CRACDL: variants seen among roughly 807,000 people sequenced by gnomAD.
CRACDL encodes the protein CRACD-like protein.
In CRACDL, 26 loss-of-function variants were observed where a neutral mutation model predicts 70.6. The observed-to-expected ratio is 0.37, with a 90% CI of 0.27 to 0.51. The LOEUF (loss-of-function observed/expected upper bound fraction) is 0.51. Ranked by LOEUF, CRACDL falls within the 20% of genes least tolerant of loss-of-function variation. CRACDL has a pLI of 0.94. For synonymous variants in CRACDL, 618 were observed against 615.2 expected, an observed-to-expected ratio of 1.00 and a Z score of -0.07; for missense variants, 1,283 against 1,376.9, an observed-to-expected ratio of 0.93 and a Z score of 1.08.
chr2:98,860,920 C>T (rs1031431835), intron 1 of CRACDL, among the ~76,000 whole-genome samples: 1 of 152,150 alleles, frequency 6.6e-6, no homozygotes, highest in Non-Finnish European at 1.5e-5. Flanking sequence ...AAAGATATCC[C>T]ATTTAAAAAC....
chr2:98,890,254 T>C (rs1015129662), intron 1 of CRACDL, among the ~76,000 whole-genome samples: 5 of 152,146 alleles, frequency 3.3e-5, no homozygotes, highest in African/African-American at 1.2e-4. Flanking sequence ...AACAAACCTT[T>C]AGTTAGACTG....
chr2:98,874,234 T>G (rs1446177903), intron 1 of CRACDL, among the ~76,000 whole-genome samples: 1 of 152,216 alleles, frequency 6.6e-6, no homozygotes, highest in East Asian at 1.9e-4. Context: ...ACAGATACGT[T>G]CTTTTCTCGC....
At chr2:98,880,893 C>T (rs1483353973) in intron 1 of CRACDL, among the ~76,000 whole-genome samples, 2 of 152,228 alleles carry the variant, frequency 1.3e-5, no homozygotes, top group Non-Finnish European at 2.9e-5. Context: ...GCCTCCCCTA[C>T]TCACTTGGCC....
At chr2:98,884,478 A>G (rs1707748861) in intron 1 of CRACDL, among the ~76,000 whole-genome samples, 1 of 152,212 alleles carries the variant, frequency 6.6e-6, no homozygotes, top group African/African-American at 2.4e-5. Flanking sequence ...GCAGCAGGAC[A>G]TCCCTGCCCA....
intron 2 of CRACDL, among the ~76,000 whole-genome samples, chr2:98,839,075 C>A (rs895321854): frequency 2.0e-5 from 3 of 152,196 alleles, no homozygotes; most frequent in Non-Finnish European, 4.4e-5. Flanking sequence ...CGTAGACTAC[C>A]AGGATGCTGT....
Position 98,795,073 on chromosome 2 carries a change from A to ATTTTTTTTTTTTTT in CRACDL, c.2750-403_2750-402insAAAAAAAAAAAAAA, listed in dbSNP as rs1468056572. 6.0e-4 allele frequency among the ~76,000 whole-genome samples: 12 copies of ATTTTTTTTTTTTTT among 20,088 alleles called. 1 individual carries two copies. Among genetic ancestry groups the ATTTTTTTTTTTTTT allele is most frequent in the South Asian group, 4.3e-3 (1 of 230 alleles). The allele number at this position is 20,088 out of a possible 152,430, so 13.2% of individuals were successfully genotyped here. ...TATATATATATATATATATATATAT[A>ATTTTTTTTTTTTTT]TATATTTTTTTTTTTTTTTGAGACA... On this transcript the variant is annotated intron_variant, in intron 9 of 9. Coordinates refer to ENST00000397899, the MANE Select transcript of CRACDL (RefSeq NM_207362.3).
At chr2:98,860,585 G>A (rs760878687) in intron 1 of CRACDL, among the ~76,000 whole-genome samples, 12 of 152,150 alleles carry the variant, frequency 7.9e-5, no homozygotes, top group Non-Finnish European at 1.8e-4. Context: ...AAAAAATAAT[G>A]TGTACTCTTA....
At chr2:98,859,822 A>G (rs1041543875) in intron 1 of CRACDL, among the ~76,000 whole-genome samples, 5 of 152,218 alleles carry the variant, frequency 3.3e-5, no homozygotes, top group Admixed American at 3.3e-4. Context: ...AGCACTTAAG[A>G]GAAAGAATAA....
Position 98,822,095 on chromosome 2 carries a change from C to A in CRACDL, c.2178G>T (p.Glu726Asp). 6.4e-7 allele frequency: 1 copy of A among 1,564,832 alleles called. No individual in the cohort carries two copies. Among genetic ancestry groups the A allele is most frequent in the Non-Finnish European group, 8.7e-7 (1 of 1,154,436 alleles). The change falls in exon 7 of 10, where the codon GAG becomes GAT. Residue 726 changes from glutamate (E) to aspartate (D), a missense_variant. Coordinates refer to ENST00000397899, the MANE Select transcript of CRACDL (RefSeq NM_207362.3). This position sits in a 1 kb window ranked among gnomAD's most constrained non-coding sequence, Gnocchi z 4.9. ...CGGGGGCCGTCCCGAGGGGACACTT[C>A]TCCTCCTTCGGGAGCACGGTCAGCG... Reference protein sequence around the residue: ...ERSLTVLPKEEKCPLGTAPAL... With the variant: ...ERSLTVLPKEDKCPLGTAPAL...
intron 7 of CRACDL, among the ~76,000 whole-genome samples, chr2:98,800,089 C>T (rs1315089910): frequency 6.6e-6 from 1 of 152,238 alleles, no homozygotes; most frequent in Admixed American, 6.5e-5. Flanking sequence ...TTTCTATTCT[C>T]CTGTTTCACC....
rs563322641 is a variant in CRACDL, at chr2:98,822,866, C to G, written c.1407G>C (p.Glu469Asp). The G allele has an allele frequency of 5.5e-6, 8 of 1,465,910 alleles. No individual in the cohort carries two copies. In the Admixed American group the frequency reaches 7.7e-5, roughly 14 times the overall value. 90.8% of individuals were successfully genotyped at this position (1,465,910 alleles called of 1,614,324 possible). ...TCTCGGGCTCGGTCCCCGCTCCTCTCTCGGGCTCCGTCTCCGCTTCTCTCT... is the reference window on the plus strand; with the variant it reads ...TCTCGGGCTCGGTCCCCGCTCCTCTGTCGGGCTCCGTCTCCGCTTCTCTCT... The part of the protein sequence containing the change: ...EPEREAETEP[E>D]RGAGTEPERI... The change falls in exon 7 of 10, where the codon GAG (glutamate) becomes GAC (aspartate). Residue 469 changes from glutamate (E) to aspartate (D), a missense_variant. Glu to Asp is a conservative substitution (Grantham distance 45). This residue lies in a region of CRACDL where 921 missense variants were observed against 881.9 expected (regional missense o/e 1.04). Coordinates refer to ENST00000397899, the MANE Select transcript of CRACDL (RefSeq NM_207362.3). This position sits in a 1 kb window ranked among gnomAD's most constrained non-coding sequence, Gnocchi z 4.9.
At chr2:98,930,763 C>T (rs185191938) in intron 1 of CRACDL, among the ~76,000 whole-genome samples, 2 of 152,284 alleles carry the variant, frequency 1.3e-5, no homozygotes, top group African/African-American at 4.8e-5. Flanking sequence ...CATCAGATCT[C>T]AGTTATGGAA....
chr2:98,805,600 T>A (rs114567238), intron 7 of CRACDL, among the ~76,000 whole-genome samples: 64 of 152,182 alleles, frequency 4.2e-4, no homozygotes, highest in Non-Finnish European at 7.9e-4. Context: ...TTGCTCCACT[T>A]CCTCTCCTAA....
intron 1 of CRACDL, among the ~76,000 whole-genome samples, chr2:98,893,536 G>T (rs887283550): frequency 1.3e-5 from 2 of 151,936 alleles, no homozygotes; most frequent in Admixed American, 6.6e-5. Flanking sequence ...TGCCCTCCTC[G>T]GCCTCCCAAA....
intron 1 of CRACDL, among the ~76,000 whole-genome samples, chr2:98,851,528 A>G (rs7593332): frequency 0.43 from 64,808 of 151,928 alleles, 14,649 homozygotes; most frequent in African/African-American, 0.58. Context: ...CCTTTATTCA[A>G]TCTTTACACC....
chr2:98,836,027 G>A (rs1487922813), intron 3 of CRACDL, among the ~76,000 whole-genome samples: 1 of 152,170 alleles, frequency 6.6e-6, no homozygotes, highest in Non-Finnish European at 1.5e-5. Flanking sequence ...GGAGAATATA[G>A]GAAAGAGTTG....
intron 1 of CRACDL, among the ~76,000 whole-genome samples, chr2:98,924,158 G>T (rs1205900594): frequency 6.6e-6 from 1 of 152,180 alleles, no homozygotes; most frequent in East Asian, 1.9e-4. Context: ...GTTCACTCAG[G>T]TTCACCCCAG....
chr2:98,817,299 T>G (rs187333146), intron 7 of CRACDL, among the ~76,000 whole-genome samples: 1 of 152,194 alleles, frequency 6.6e-6, no homozygotes, highest in African/African-American at 2.4e-5. Context: ...ACTGTACCTA[T>G]AGACAACAAT....
At chr2:98,877,739 A>T (rs1048508270) in intron 1 of CRACDL, among the ~76,000 whole-genome samples, 2 of 151,846 alleles carry the variant, frequency 1.3e-5, no homozygotes, top group African/African-American at 4.8e-5. Flanking sequence ...ACACAGTGGG[A>T]CTCTGTCTCA....
Sources: gnomAD v4.1 joint callset for allele counts (sites outside exome capture counted in the v4.1 genomes callset) on GRCh38, gnomAD v4.1.1 for gene constraint, gnomAD v4.1.1 regional missense constraint, Gnocchi (gnomAD v3.1) non-coding constraint, MANE v1.5 for transcripts, NCBI Gene and HGNC (gene_info 2026-07-23, HGNC 2026-07-21) for gene names.